The following ITFG1 variants were observed in gnomAD, a reference collection of about 807,000 sequenced individuals.
ITFG1 encodes T-cell immunomodulatory protein.
ITFG1 carries 34 observed loss-of-function variants against 81.8 expected under a neutral mutation model. The ratio of observed to expected loss-of-function variants is 0.42; its 90% CI spans 0.32 to 0.55. ITFG1 has a LOEUF of 0.55. Among genes scored for constraint, ITFG1 ranks in the 20% least tolerant of loss-of-function variants. ITFG1 has a pLI of 0.17. For missense variants in ITFG1, 672 were observed against 755.4 expected (o/e 0.89, Z 1.29); for synonymous variants, 285 against 270.6 (o/e 1.05, Z -0.52).
chr16:47,245,228 A>C (rs142920501), intron 12 of ITFG1, among the ~76,000 whole-genome samples: 1 of 152,186 alleles, frequency 6.6e-6, no homozygotes, highest in Non-Finnish European at 1.5e-5. Context: ...GTGTGCCTGT[A>C]ATACCAGCTA....
chr16:47,216,444 G>A lies in ITFG1; in HGVS notation c.1453+2424C>T, dbSNP rs377723039. ...TCAAACTCCTGACCTCAGGTGATCC[G>A]CCCACCTTGGCCTCCGAAAGTGCTG... On this transcript the variant is annotated intron_variant, in intron 14 of 17. Coordinates refer to ENST00000320640, the MANE Select transcript of ITFG1 (RefSeq NM_030790.5). 1.5e-3 allele frequency among the ~76,000 whole-genome samples: 223 copies of A among 151,580 alleles called. 14 individuals are homozygous for A. The South Asian group carries it at 0.044, about 30-fold the overall frequency.
At chr16:47,380,007 T>C (rs984244321) in intron 6 of ITFG1, among the ~76,000 whole-genome samples, 5 of 139,334 alleles carry the variant, frequency 3.6e-5, no homozygotes, top group Non-Finnish European at 7.6e-5. Context: ...TGATCTGAAA[T>C]TAAAAGCTAA....
At chr16:47,159,030 A>T (rs750365546) in intron 16 of ITFG1, 40 bp from the exon 17 acceptor site, 4 of 1,126,674 alleles carry the variant, frequency 3.6e-6, no homozygotes, top group Non-Finnish European at 5.0e-6. Context: ...TACAAATTTT[A>T]TTTAAAAATA....
intron 9 of ITFG1, 78 bp from the exon 10 acceptor site, chr16:47,311,490 T>A: frequency 8.8e-7 from 1 of 1,139,374 alleles, no homozygotes; most frequent in Non-Finnish European, 1.2e-6. Context: ...AAACGATCCA[T>A]TAAGTTTTCA....
Position 47,155,463 on chromosome 16 carries a change from C to A in ITFG1, c.*256G>T, listed in dbSNP as rs1199103589. The A allele has an allele frequency of 3.7e-6, 1 of 269,236 alleles. No homozygotes were observed. The highest frequency in any genetic ancestry group is 2.2e-5 in the African/African-American group (1 of 45,436). The allele number at this position is 269,236 out of a possible 1,614,324, so 16.7% of individuals were successfully genotyped here. ...TTATAAATACACAAACACTGGAGTA[C>A]ATGCAACACATTCCACAAAGGAACA... On this transcript the variant is annotated 3_prime_UTR_variant, in exon 18 of 18. Transcript: ENST00000320640.
chr16:47,346,013 A>G (rs1967849782), intron 8 of ITFG1, among the ~76,000 whole-genome samples: 2 of 152,224 alleles, frequency 1.3e-5, no homozygotes, highest in African/African-American at 4.8e-5. Flanking sequence ...CACTTAGAAC[A>G]AAACAGACCT....
chr16:47,186,305 C>T (rs1406765334), intron 14 of ITFG1, among the ~76,000 whole-genome samples: 2 of 151,906 alleles, frequency 1.3e-5, no homozygotes, highest in Non-Finnish European at 2.9e-5. Flanking sequence ...GAGACACAAG[C>T]AAAAAAGAGA....
intron 10 of ITFG1, among the ~76,000 whole-genome samples, chr16:47,267,095 T>C (rs149591594): frequency 1.3e-5 from 2 of 152,290 alleles, no homozygotes; most frequent in East Asian, 3.9e-4. Flanking sequence ...TTAATGAAAA[T>C]GTTCTAAACT....
chr16:47,161,216 C>T (rs1440977678), intron 16 of ITFG1, among the ~76,000 whole-genome samples: 8 of 152,176 alleles, frequency 5.3e-5, no homozygotes, highest in South Asian at 2.1e-4. Context: ...ACCTACCATT[C>T]GCTTACCACA....
At chr16:47,283,894 G>A (rs943242949) in intron 10 of ITFG1, among the ~76,000 whole-genome samples, 8 of 152,200 alleles carry the variant, frequency 5.3e-5, no homozygotes, top group Admixed American at 2.6e-4. Flanking sequence ...TATCCATGCT[G>A]TGGAAAATTA....
At chr16:47,426,935 A>T (rs1969028115) in intron 6 of ITFG1, among the ~76,000 whole-genome samples, 1 of 152,228 alleles carries the variant, frequency 6.6e-6, no homozygotes, top group Non-Finnish European at 1.5e-5. Context: ...ATAAAAATGT[A>T]ACTGTAAAAT....
intron 6 of ITFG1, among the ~76,000 whole-genome samples, chr16:47,414,858 C>T (rs1221631216): frequency 6.6e-6 from 1 of 152,074 alleles, no homozygotes; most frequent in Admixed American, 6.5e-5. Flanking sequence ...AGTTCATAGC[C>T]TTCTGTTTTT....
chr16:47,306,768 C>G (rs1967166068), intron 10 of ITFG1, among the ~76,000 whole-genome samples: 1 of 151,786 alleles, frequency 6.6e-6, no homozygotes, highest in African/African-American at 2.4e-5. Context: ...CTCTACAATA[C>G]TAACAAAAAC....
At chr16:47,176,664 G>C (rs886713535) in intron 14 of ITFG1, among the ~76,000 whole-genome samples, 2 of 152,096 alleles carry the variant, frequency 1.3e-5, no homozygotes, top group African/African-American at 4.8e-5. Context: ...TCAACTATAA[G>C]TGACAGCTAT....
chr16:47,326,632 G>A (rs1415098634), intron 8 of ITFG1, among the ~76,000 whole-genome samples: 1 of 152,104 alleles, frequency 6.6e-6, no homozygotes, highest in Non-Finnish European at 1.5e-5. Context: ...AAAGTCTCAG[G>A]ATACAAAATC....
chr16:47,264,518 G>A (rs913492211), intron 10 of ITFG1, among the ~76,000 whole-genome samples: 3 of 148,890 alleles, frequency 2.0e-5, no homozygotes, highest in East Asian at 4.0e-4. Flanking sequence ...GCTATTGATG[G>A]TCAGGTTATT....
In ITFG1 at chr16:47,404,989, T is replaced by G. The variant is rs1054818032; in HGVS notation, c.655+23815A>C. Among the ~76,000 whole-genome samples the G allele has an allele frequency of 2.0e-5, 3 of 152,280 alleles. No homozygotes were observed. The South Asian group carries it at 6.2e-4, about 32-fold the overall frequency. On this transcript the variant is annotated intron_variant, in intron 6 of 17. Transcript: ENST00000320640. ...TAGTAGTTTATCTTATTTTCTTGAT[T>G]TATAGGAGTTCTCCACTTTGGAACT...
intron 12 of ITFG1, 69 bp from the exon 13 acceptor site, chr16:47,238,077 C>A: frequency 1.2e-6 from 1 of 849,852 alleles, no homozygotes. Context: ...TAATTTTCTC[C>A]CTAAGATCCA....
intron 8 of ITFG1, among the ~76,000 whole-genome samples, chr16:47,331,062 G>A (rs952779577): frequency 6.6e-6 from 1 of 152,048 alleles, no homozygotes; most frequent in Admixed American, 6.6e-5. Context: ...GCAAAGACAT[G>A]GAAACAATCT....
Sources: allele counts gnomAD v4.1 joint callset (sites outside exome capture counted in the v4.1 genomes callset), GRCh38; gene constraint gnomAD v4.1.1; transcripts MANE v1.5; gene names NCBI Gene and HGNC (gene_info 2026-07-23, HGNC 2026-07-21).